LAMC3: variants seen among roughly 807,000 people sequenced by gnomAD.
LAMC3 encodes the protein laminin subunit gamma 3, also known as laminin subunit gamma-3.
LAMC3 carries 128 observed loss-of-function variants against 173.8 expected under a neutral mutation model. The ratio of observed to expected loss-of-function variants is 0.74; its 90% CI spans 0.64 to 0.85. The LOEUF (loss-of-function observed/expected upper bound fraction) is 0.85. LAMC3 is among the 40% of genes least tolerant of loss of function. LAMC3 has a pLI of 0.00. For missense variants in LAMC3, 2,022 were observed against 2,156.0 expected, an observed-to-expected ratio of 0.94 and a Z score of 1.23; for synonymous variants, 897 against 909.1, an observed-to-expected ratio of 0.99 and a Z score of 0.24.
chr9:131,080,978 T>C (rs1352002691), intron 23 of LAMC3, among the ~76,000 whole-genome samples: 1 of 152,250 alleles, frequency 6.6e-6, no homozygotes. Flanking sequence ...ACGTTCACGA[T>C]GTTATGCCAC....
Position 131,068,206 on chromosome 9 carries a change from C to T in LAMC3, c.2722C>T (p.Leu908Phe), listed in dbSNP as rs1357305075. 6.2e-7 allele frequency: 1 copy of T among 1,611,814 alleles called. No individual in the cohort carries two copies. The highest frequency in any genetic ancestry group is 8.5e-7 in the Non-Finnish European group (1 of 1,178,944). The change falls in exon 15 of 28, where the codon CTC becomes TTC. Residue 908 changes from leucine (L) to phenylalanine (F), a missense_variant. Leu to Phe is a conservative substitution (Grantham distance 22, BLOSUM62 0). Coordinates refer to ENST00000361069, the MANE Select transcript of LAMC3 (RefSeq NM_006059.4). ...CSRCYPGFFD[L>F]QPGRGCRSCK... Reference sequence around the variant, plus strand: ...CCGCTGCTACCCTGGCTTCTTCGACCTCCAGCCTGGGAGGGGCTGCCGGAG... The same window carrying T: ...CCGCTGCTACCCTGGCTTCTTCGACTTCCAGCCTGGGAGGGGCTGCCGGAG...
At chr9:131,020,435 T>G (rs1833605767) in intron 1 of LAMC3, among the ~76,000 whole-genome samples, 1 of 152,220 alleles carries the variant, frequency 6.6e-6, no homozygotes, top group East Asian at 1.9e-4. Context: ...ATCTTGGCAC[T>G]AAGTCTAAGC....
In LAMC3 at chr9:131,092,071, G is replaced by A. The variant is rs569813103; in HGVS notation, c.*284G>A. 4 of 505,072 alleles carry A rather than the reference G, an allele frequency of 7.9e-6. No homozygotes were observed. Among genetic ancestry groups the A allele is most frequent in the Middle Eastern group, 5.5e-4 (1 of 1,832 alleles). The allele number at this position is 505,072 out of a possible 1,614,324, so 31.3% of individuals were successfully genotyped here. ...GTGTCAATAACATACACACGTGAGG[G>A]TGCATGTCTGTGTGTATGACCCACA... On this transcript the variant is annotated 3_prime_UTR_variant, in exon 28 of 28. Coordinates refer to ENST00000361069, the MANE Select transcript of LAMC3 (RefSeq NM_006059.4).
At chr9:131,041,897 A>G (rs1834064224) in intron 7 of LAMC3, among the ~76,000 whole-genome samples, 162 bp downstream of exon 7, 1 of 152,220 alleles carries the variant, frequency 6.6e-6, no homozygotes, top group East Asian at 1.9e-4. Context: ...TGTATCTGTC[A>G]TACAGGAAGT....
Position 131,091,896 on chromosome 9 carries a change from G to A in LAMC3, c.*109G>A, listed in dbSNP as rs1245954457. On this transcript the variant is annotated 3_prime_UTR_variant, in exon 28 of 28. Coordinates refer to ENST00000361069, the MANE Select transcript of LAMC3 (RefSeq NM_006059.4). ...ATACAGACATTCCCCGGAGCCGGCT[G>A]CTGTGAACTCGCCCCCGTGTGGATA... 2 of 1,378,818 alleles carry A rather than the reference G, an allele frequency of 1.5e-6. No homozygotes were observed. Among genetic ancestry groups the A allele is most frequent in the African/African-American group, 1.5e-5 (1 of 68,712 alleles). 85.4% of individuals were successfully genotyped at this position (1,378,818 alleles called of 1,614,324 possible).
intron 1 of LAMC3, among the ~76,000 whole-genome samples, chr9:131,015,877 C>T (rs183897965): frequency 5.3e-5 from 8 of 152,140 alleles, no homozygotes; most frequent in East Asian, 3.9e-4. Flanking sequence ...AGACTGGTCT[C>T]GAACTCCTGA....
rs1554785561 is a variant in LAMC3 at position 131,041,366 on chromosome 9, C to CAGAAAAAAAAAAA, written c.1284-270_1284-269insGAAAAAAAAAAAA. Among the ~76,000 whole-genome samples, 23 of 114,588 alleles carry CAGAAAAAAAAAAA rather than the reference C, an allele frequency of 2.0e-4. 1 individual carries two copies. The highest frequency in any genetic ancestry group is 9.0e-4 in the Admixed American group (10 of 11,138). 75.2% of individuals were successfully genotyped at this position (114,588 alleles called of 152,430 possible). A position where few individuals can be genotyped will look rare whatever the true frequency, so the allele number is the denominator to read the frequency against. ...TGGGTGGCAAAGTGTGACTCTGTCC[C>CAGAAAAAAAAAAA]AAAAAAAAAGATTCATGGATGATGA... On this transcript the variant is annotated intron_variant, in intron 6 of 27. Transcript: ENST00000361069.
At chr9:131,048,010 C>G (rs890638632) in intron 8 of LAMC3, among the ~76,000 whole-genome samples, 1 of 145,988 alleles carries the variant, frequency 6.8e-6, no homozygotes, top group Non-Finnish European at 1.5e-5. Flanking sequence ...CCTCCCAGAG[C>G]GCTAGGATTA....
At chr9:131,045,246 C>CAACAACAAA (rs1554786056) in intron 7 of LAMC3, among the ~76,000 whole-genome samples, 1 of 144,534 alleles carries the variant, frequency 6.9e-6, no homozygotes, top group African/African-American at 2.7e-5. Flanking sequence ...ACAACAACAA[C>CAACAACAAA]AAAAAAACAA....
At chr9:131,082,277 T>C in intron 24 of LAMC3, 116 bp downstream of exon 24, 1 of 760,958 alleles carries the variant, frequency 1.3e-6, no homozygotes, top group Non-Finnish European at 2.3e-6. Context: ...TCTTGTGGGC[T>C]TAATTAAGCC....
At chr9:131,043,417 C>T (rs942459824) in intron 7 of LAMC3, among the ~76,000 whole-genome samples, 2 of 152,100 alleles carry the variant, frequency 1.3e-5, no homozygotes, top group Admixed American at 6.6e-5. Context: ...AAGCCCAAGG[C>T]GTCTTACAGT....
In LAMC3 at chr9:131,052,498, C is replaced by T. The variant is rs1301654593; in HGVS notation, c.1638C>T (p.Phe546=). 1 of 1,614,030 alleles carries T rather than the reference C, an allele frequency of 6.2e-7. No homozygotes were observed. The highest frequency in any genetic ancestry group is 1.7e-5 in the Admixed American group (1 of 60,024). The change falls in exon 10 of 28, where the codon TTC becomes TTT. Residue 546 remains phenylalanine (F), a synonymous_variant. Coordinates refer to ENST00000361069, the MANE Select transcript of LAMC3 (RefSeq NM_006059.4). The stretch of plus-strand genomic sequence containing the variant: ...TTCTTCTCTTGTCTTCAGAGAAGTT[C>T]CTGGGAGACCAGCGGTTCAGCTATG... ...DEEELTAPEK[F]LGDQRFSYGQ...
rs1312333764 is a variant in LAMC3, at chr9:131,009,622, C to T, written c.373+35C>T. 1.9e-6 allele frequency: 3 copies of T among 1,551,632 alleles called. No homozygotes were observed. Among genetic ancestry groups the T allele is most frequent in the Non-Finnish European group, 1.7e-6 (2 of 1,150,244 alleles). ...GGCTGGGGGCACCGCCACCGCACCC[C>T]GTGTCCCCACTCCACTGGGGGTCTG... On this transcript the variant is annotated intron_variant, in intron 1 of 27. Coordinates refer to ENST00000361069, the MANE Select transcript of LAMC3 (RefSeq NM_006059.4). The surrounding 1 kb of genome is among the most constrained non-coding windows in gnomAD (Gnocchi z 4.3).
At chr9:131,031,928 C>T in intron 2 of LAMC3, 117 bp from the exon 3 acceptor site, 1 of 1,581,088 alleles carries the variant, frequency 6.3e-7, no homozygotes, top group Non-Finnish European at 8.6e-7. Context: ...TGAGCTCGGC[C>T]TGTTCCTGTG....
chr9:131,022,323 A>G (rs1564364436), intron 1 of LAMC3, among the ~76,000 whole-genome samples: 1 of 151,924 alleles, frequency 6.6e-6, no homozygotes, highest in Non-Finnish European at 1.5e-5. Context: ...GGCTCAAGTG[A>G]TCCTCCCACC....
chr9:131,042,771 G>A (rs1834079069), intron 7 of LAMC3, among the ~76,000 whole-genome samples: 2 of 145,204 alleles, frequency 1.4e-5, no homozygotes, highest in South Asian at 4.4e-4. Context: ...ACCCATAGCA[G>A]ACATCATTCA....
rs1186874368 is a variant in LAMC3, at chr9:131,068,136, A to G, written c.2652A>G (p.Thr884=). Residue 884 remains threonine, a synonymous_variant, in exon 15 of 28, where the codon ACA becomes ACG. Coordinates refer to ENST00000361069, the MANE Select transcript of LAMC3 (RefSeq NM_006059.4). ...AGCAGATGCCCTGCGACCCAGTGAC[A>G]GGCCAATGCTCCTGCCTGCCTCATG... The part of the protein sequence containing the change: ...VSEQMPCDPV[T]GQCSCLPHVT... 3 of 1,613,314 alleles carry G rather than the reference A, an allele frequency of 1.9e-6. No homozygotes were observed. Among genetic ancestry groups the G allele is most frequent in the South Asian group, 2.2e-5 (2 of 91,084 alleles).
rs1475740652 is a variant in LAMC3, at chr9:131,067,117, G to A, written c.2505G>A (p.Leu835=). The A allele has an allele frequency of 4.3e-6, 7 of 1,614,066 alleles. No individual in the cohort carries two copies. In the Admixed American group the frequency reaches 1.0e-4, roughly 23 times the overall value. The change falls in exon 14 of 28, where the codon CTG becomes CTA. Residue 835 remains leucine (L), a synonymous_variant. Coordinates refer to ENST00000361069, the MANE Select transcript of LAMC3 (RefSeq NM_006059.4). The part of the protein sequence containing the change: ...DPLSGHCLRC[L]HNTTGDHCEH... ...TGTCTGGCCACTGCCTGCGCTGCCT[G>A]CACAACACCACGGGTGACCACTGTG...
In LAMC3 at chr9:131,038,939, G is replaced by T. The variant is rs1294337624; in HGVS notation, c.1052G>T (p.Arg351Leu). 1.2e-6 allele frequency: 2 copies of T among 1,612,772 alleles called. No individual in the cohort carries two copies. The highest frequency in any genetic ancestry group is 1.7e-5 in the Admixed American group (1 of 59,984). The change falls in exon 5 of 28, where the codon CGC becomes CTC. Residue 351 changes from arginine (R) to leucine (L), a missense_variant. Transcript: ENST00000361069. ...ELFRSTGHGG[R>L]CHHCRDHTAG... ...TTCCGCAGCACAGGCCACGGCGGGC[G>T]CTGTCACCACTGCCGTGACCACACA...
Sources: gnomAD v4.1 joint callset for allele counts (sites outside exome capture counted in the v4.1 genomes callset) on GRCh38, gnomAD v4.1.1 for gene constraint, Gnocchi (gnomAD v3.1) non-coding constraint, MANE v1.5 for transcripts, NCBI Gene and HGNC (gene_info 2026-07-23, HGNC 2026-07-21) for gene names.